DNM3: variants seen among roughly 807,000 people sequenced by gnomAD.
The protein encoded by DNM3 is dynamin 3.
In DNM3, 47 loss-of-function variants were observed where a neutral mutation model predicts 101.6. The ratio of observed to expected loss-of-function variants is 0.46; its 90% CI spans 0.37 to 0.59. The LOEUF (loss-of-function observed/expected upper bound fraction) is 0.59. Among genes scored for constraint, DNM3 ranks in the 20% least tolerant of loss-of-function variants. The pLI is 0.00. For synonymous variants in DNM3, 385 were observed against 387.9 expected (o/e 0.99, Z 0.09); for missense variants, 849 against 1,085.7 (o/e 0.78, Z 3.06).
intron 14 of DNM3, among the ~76,000 whole-genome samples, chr1:172,159,951 C>T (rs1202571461): frequency 2.0e-5 from 3 of 151,764 alleles, no homozygotes; most frequent in Non-Finnish European, 4.4e-5. Context: ...GCTATAAACC[C>T]ATACAGCATG....
In DNM3 at chr1:172,109,504, A is replaced by G. The variant is rs1195355342; in HGVS notation, c.1545+16629A>G. 2.6e-5 allele frequency among the ~76,000 whole-genome samples: 4 copies of G among 152,144 alleles called. No homozygotes were observed. The East Asian group carries it at 7.7e-4, about 29-fold the overall frequency. On this transcript the variant is annotated intron_variant, in intron 13 of 20. Coordinates refer to ENST00000627582, the MANE Select transcript of DNM3 (RefSeq NM_015569.5). ...ACCACTGCTCCAAATATTATCTCCT[A>G]TAACTTCTGGCATTTCTTGTGCGTC...
In DNM3 at chr1:172,033,108, A is replaced by T; in HGVS notation, c.692A>T (p.Tyr231Phe). The T allele has an allele frequency of 6.2e-7, 1 of 1,611,738 alleles. No homozygotes were observed. Among genetic ancestry groups the T allele is most frequent in the Non-Finnish European group, 8.5e-7 (1 of 1,178,868 alleles). Residue 231 changes from tyrosine to phenylalanine, a missense_variant, in exon 6 of 21, where the codon TAC becomes TTC. Coordinates refer to ENST00000627582, the MANE Select transcript of DNM3 (RefSeq NM_015569.5). ...ATAGATTTGTGTTTTGTTTCAGGTT[A>T]CGTGGGGGTGGTAAACAGAAGCCAG... ...ENKLLPLRRG[Y>F]VGVVNRSQKD...
chr1:172,203,068 A>T (rs1023713871), intron 14 of DNM3, among the ~76,000 whole-genome samples: 1 of 152,210 alleles, frequency 6.6e-6, no homozygotes, highest in African/African-American at 2.4e-5. Context: ...ACGGATCATT[A>T]AAAATTACAA....
chr1:172,217,172 G>A (rs2060731069), intron 14 of DNM3, among the ~76,000 whole-genome samples: 1 of 151,928 alleles, frequency 6.6e-6, no homozygotes, highest in African/African-American at 2.4e-5. Flanking sequence ...ACCTTCTTCA[G>A]CCTCCTTACA....
intron 17 of DNM3, among the ~76,000 whole-genome samples, chr1:172,362,114 C>G (rs185140536): frequency 6.6e-6 from 1 of 152,088 alleles, no homozygotes; most frequent in East Asian, 1.9e-4. Flanking sequence ...TTCCACCATT[C>G]TCTTCTTATT....
chr1:172,228,163 C>T (rs2061205177), intron 14 of DNM3, among the ~76,000 whole-genome samples: 1 of 151,718 alleles, frequency 6.6e-6, no homozygotes, highest in Admixed American at 6.6e-5. Flanking sequence ...TGTGTCATTG[C>T]TATGAGTCTT....
chr1:172,375,189 TA>T (rs1482561961), intron 17 of DNM3, among the ~76,000 whole-genome samples: 1 of 152,106 alleles, frequency 6.6e-6, no homozygotes, highest in East Asian at 1.9e-4. Flanking sequence ...GTTACAGAAT[TA>T]ACAGTAGCAG....
At chr1:172,337,218 T>C (rs2066471995) in intron 17 of DNM3, among the ~76,000 whole-genome samples, 1 of 152,210 alleles carries the variant, frequency 6.6e-6, no homozygotes, top group African/African-American at 2.4e-5. Context: ...TGCTGAGTTA[T>C]TTATGGCCTG....
intron 14 of DNM3, among the ~76,000 whole-genome samples, chr1:172,184,450 A>G (rs1329122541): frequency 2.0e-5 from 3 of 151,962 alleles, no homozygotes. Context: ...TTTGAAATTA[A>G]TTTTTTTTAG....
At chr1:171,843,779 T>C (rs929800599) in intron 1 of DNM3, among the ~76,000 whole-genome samples, 4 of 152,122 alleles carry the variant, frequency 2.6e-5, no homozygotes, top group Non-Finnish European at 4.4e-5. Context: ...TTTGGAATAA[T>C]TTGAAAAAAG....
At chr1:172,016,333 T>C (rs2047451377) in intron 4 of DNM3, among the ~76,000 whole-genome samples, 1 of 152,240 alleles carries the variant, frequency 6.6e-6, no homozygotes, top group Non-Finnish European at 1.5e-5. Flanking sequence ...ATTTTGTCAA[T>C]TTTTTCTGCA....
At chr1:172,150,173 A>G (rs1454628114) in intron 14 of DNM3, among the ~76,000 whole-genome samples, 2 of 152,168 alleles carry the variant, frequency 1.3e-5, no homozygotes, top group Non-Finnish European at 1.5e-5. Flanking sequence ...TTCAGTTTCC[A>G]GAGAATTTAC....
At chr1:172,250,155 G>C (rs564124370) in intron 14 of DNM3, among the ~76,000 whole-genome samples, 4 of 152,064 alleles carry the variant, frequency 2.6e-5, no homozygotes, top group African/African-American at 4.8e-5. Context: ...ATTAATATAA[G>C]GGAGAGAGAT....
intron 15 of DNM3, among the ~76,000 whole-genome samples, chr1:172,303,971 C>G (rs1227491118): frequency 6.6e-6 from 1 of 151,938 alleles, no homozygotes; most frequent in Non-Finnish European, 1.5e-5. Flanking sequence ...ACTGCATCAA[C>G]TAACCAGCAA....
At chr1:172,279,479 G>T (rs747550903) in intron 15 of DNM3, among the ~76,000 whole-genome samples, 6 of 152,066 alleles carry the variant, frequency 3.9e-5, no homozygotes, top group African/African-American at 1.4e-4. Flanking sequence ...GAATTTTATC[G>T]TGAAAATGTT....
At chr1:172,136,544 T>C (rs547519036) in intron 14 of DNM3, 1 of 152,308 alleles carries the variant, frequency 6.6e-6, no homozygotes, top group East Asian at 1.9e-4. Flanking sequence ...AATCCACTTA[T>C]ATTACTTAAA....
intron 15 of DNM3, among the ~76,000 whole-genome samples, chr1:172,259,180 T>A (rs1172301533): frequency 6.6e-6 from 1 of 152,106 alleles, no homozygotes; most frequent in Non-Finnish European, 1.5e-5. Context: ...TGGTCTACCC[T>A]AGACATGTTC....
At chr1:171,932,196 C>T (rs529181808) in intron 2 of DNM3, among the ~76,000 whole-genome samples, 2 of 150,512 alleles carry the variant, frequency 1.3e-5, no homozygotes, top group East Asian at 2.0e-4. Context: ...GGCTGGAGTG[C>T]GGTGGCATGA....
intron 13 of DNM3, among the ~76,000 whole-genome samples, chr1:172,096,377 A>G (rs1572489708): frequency 6.6e-6 from 1 of 152,352 alleles, no homozygotes; most frequent in East Asian, 1.9e-4. Context: ...AAGGTGAGAC[A>G]AGACTGGAAA....
Sources: allele counts gnomAD v4.1 joint callset (sites outside exome capture counted in the v4.1 genomes callset), GRCh38; gene constraint gnomAD v4.1.1; transcripts MANE v1.5; gene names NCBI Gene and HGNC (gene_info 2026-07-23, HGNC 2026-07-21).